PTPRD: variants seen among roughly 807,000 people sequenced by gnomAD.
PTPRD encodes the protein protein tyrosine phosphatase receptor type D.
A neutral mutation model predicts 214.5 loss-of-function variants in PTPRD; 34 were observed. That is an observed-to-expected ratio of 0.16 (90% CI 0.12 to 0.21). The LOEUF is 0.21. PTPRD is among the 10% of genes least tolerant of loss of function. The pLI is 1.00. For missense variants in PTPRD, 2,545 were observed against 2,398.7 expected (o/e 1.06, Z -1.27); for synonymous variants, 1,128 against 845.7 (o/e 1.33, Z -5.79).
At chr9:9,835,237 T>C (rs965736158) in intron 5 of PTPRD, among the ~76,000 whole-genome samples, 5 of 152,118 alleles carry the variant, frequency 3.3e-5, no homozygotes, top group African/African-American at 9.7e-5. Context: ...GGATAATACA[T>C]TCCAAAATGA....
intron 7 of PTPRD, among the ~76,000 whole-genome samples, chr9:9,634,933 G>A (rs2095709746): frequency 6.6e-6 from 1 of 152,160 alleles, no homozygotes. Context: ...AGTCATATGT[G>A]TAAAGCTGTA....
chr9:9,015,929 G>T (rs1047489070), intron 11 of PTPRD, among the ~76,000 whole-genome samples: 2 of 152,232 alleles, frequency 1.3e-5, no homozygotes, highest in East Asian at 1.9e-4. Flanking sequence ...ATGCCAATAA[G>T]TAGAAAGAAA....
intron 37 of PTPRD, among the ~76,000 whole-genome samples, chr9:8,388,241 C>T (rs1430068409): frequency 6.6e-6 from 1 of 152,140 alleles, no homozygotes; most frequent in African/African-American, 2.4e-5. Flanking sequence ...GAGAAACTTC[C>T]ATGTGTTGAG....
intron 14 of PTPRD, among the ~76,000 whole-genome samples, chr9:8,614,549 G>A (rs978346211): frequency 1.3e-5 from 2 of 152,152 alleles, no homozygotes; most frequent in African/African-American, 2.4e-5. Context: ...CTTTAGGACT[G>A]AGTCAATTTC....
chr9:10,152,762 T>A (rs1592546860), intron 3 of PTPRD, among the ~76,000 whole-genome samples: 1 of 151,946 alleles, frequency 6.6e-6, no homozygotes, highest in Admixed American at 6.6e-5. Context: ...AAGGCGGAGG[T>A]TGTGGTGAGC....
At chr9:10,359,468 A>C (rs1598022134) in intron 2 of PTPRD, among the ~76,000 whole-genome samples, 1 of 152,092 alleles carries the variant, frequency 6.6e-6, no homozygotes, top group African/African-American at 2.4e-5. Flanking sequence ...AATAAGGCCC[A>C]AAAGCATTTT....
rs1034787454 is a variant in PTPRD, at chr9:8,636,904, A to G, written c.65-60T>C. ...AAACTGAAATACAGACTATTATCCT[A>G]CTACCGCTGCTCTCCCCACCATCCT... On this transcript the variant is annotated intron_variant, in intron 12 of 45. Coordinates refer to ENST00000381196, the MANE Select transcript of PTPRD (RefSeq NM_002839.4). The G allele has an allele frequency of 2.6e-6, 4 of 1,547,882 alleles. No individual in the cohort carries two copies. In the Admixed American group the frequency reaches 6.9e-5, roughly 27 times the overall value.
chr9:9,321,787 G>A (rs1210909154), intron 9 of PTPRD, among the ~76,000 whole-genome samples: 1 of 152,114 alleles, frequency 6.6e-6, no homozygotes, highest in African/African-American at 2.4e-5. Flanking sequence ...CAGGGTCTAT[G>A]TCATATGGTT....
rs115816577 is a variant in PTPRD at position 9,028,500 on chromosome 9, A to C, written c.-142-9765T>G. Among the ~76,000 whole-genome samples, 1,504 of 152,112 alleles carry C rather than the reference A, an allele frequency of 9.9e-3. 25 individuals are homozygous for C. Among genetic ancestry groups the C allele is most frequent in the African/African-American group, 0.034 (1,413 of 41,544 alleles). On this transcript the variant is annotated intron_variant, in intron 10 of 45. Coordinates refer to ENST00000381196, the MANE Select transcript of PTPRD (RefSeq NM_002839.4). ...ACCCAGAAACCTAAACTAACAATTA[A>C]ATTTGTGACAGTACAGTGTGGTATC...
chr9:10,113,331 T>A (rs1322374047), intron 3 of PTPRD, among the ~76,000 whole-genome samples: 1 of 152,228 alleles, frequency 6.6e-6, no homozygotes, highest in East Asian at 1.9e-4. Context: ...TGAAGTACCT[T>A]TGCTAGTTTC....
At chr9:8,507,706 G>A (rs961270870) in intron 21 of PTPRD, among the ~76,000 whole-genome samples, 5 of 151,880 alleles carry the variant, frequency 3.3e-5, no homozygotes, top group African/African-American at 1.2e-4. Context: ...CAATTTTAAG[G>A]AAAAAATTCT....
At chr9:9,525,015 G>A (rs1376874370) in intron 8 of PTPRD, among the ~76,000 whole-genome samples, 1 of 152,042 alleles carries the variant, frequency 6.6e-6, no homozygotes, top group Non-Finnish European at 1.5e-5. Flanking sequence ...CCGCCACCAC[G>A]CCCGGCTAAT....
At chr9:9,773,259 C>G (rs918286184) in intron 5 of PTPRD, among the ~76,000 whole-genome samples, 1 of 152,120 alleles carries the variant, frequency 6.6e-6, no homozygotes, top group Non-Finnish European at 1.5e-5. Flanking sequence ...GAGTAAAACA[C>G]TCAGAATAAA....
intron 10 of PTPRD, among the ~76,000 whole-genome samples, chr9:9,146,688 C>G (rs1004523166): frequency 6.6e-6 from 1 of 152,040 alleles, no homozygotes; most frequent in African/African-American, 2.4e-5. Flanking sequence ...CAATGAGAGG[C>G]CAGCCTTAGA....
chr9:10,220,352 T>G (rs2099564780), intron 3 of PTPRD, among the ~76,000 whole-genome samples: 1 of 151,960 alleles, frequency 6.6e-6, no homozygotes, highest in Non-Finnish European at 1.5e-5. Flanking sequence ...GGTGAAATTA[T>G]GCCCATTTCA....
intron 11 of PTPRD, among the ~76,000 whole-genome samples, chr9:8,758,835 G>C (rs1264448874): frequency 6.6e-6 from 1 of 151,518 alleles, no homozygotes; most frequent in East Asian, 1.9e-4. Context: ...ACAGGCGTGT[G>C]CCACCACGCT....
intron 14 of PTPRD, among the ~76,000 whole-genome samples, chr9:8,606,977 A>G (rs898373796): frequency 6.6e-6 from 1 of 152,176 alleles, no homozygotes; most frequent in Non-Finnish European, 1.5e-5. Context: ...CAGAAGCCCA[A>G]TGGGGGCTGG....
intron 10 of PTPRD, among the ~76,000 whole-genome samples, chr9:9,037,716 G>T (rs776528532): frequency 1.1e-4 from 16 of 152,134 alleles, no homozygotes; most frequent in Non-Finnish European, 1.6e-4. Flanking sequence ...AGCAAAAATG[G>T]CCACAGGGAA....
intron 11 of PTPRD, among the ~76,000 whole-genome samples, chr9:8,813,743 T>C (rs1305929267): frequency 6.6e-6 from 1 of 152,226 alleles, no homozygotes; most frequent in Non-Finnish European, 1.5e-5. Flanking sequence ...ACTCATTTGA[T>C]AAATATACAA....
Sources: gnomAD v4.1 joint callset for allele counts (sites outside exome capture counted in the v4.1 genomes callset) on GRCh38, gnomAD v4.1.1 for gene constraint, MANE v1.5 for transcripts, NCBI Gene and HGNC (gene_info 2026-07-23, HGNC 2026-07-21) for gene names.